KRT10: variants seen among roughly 807,000 people sequenced by gnomAD.
KRT10 encodes the protein keratin, type I cytoskeletal 10.
In KRT10, 40 loss-of-function variants were observed where a neutral mutation model predicts 59.2. The observed-to-expected ratio is 0.68, with a 90% CI of 0.52 to 0.88. The LOEUF (loss-of-function observed/expected upper bound fraction) is 0.88. Among genes scored for constraint, KRT10 ranks in the 40% least tolerant of loss-of-function variants. KRT10 has a pLI of 0.00. For synonymous variants in KRT10, 336 were observed against 310.7 expected (o/e 1.08, Z -0.86); for missense variants, 719 against 749.1 (o/e 0.96, Z 0.47).
At chr17:40,820,233 G>A (rs1905290457) in intron 4 of KRT10, 29 bp downstream of exon 4, 3 of 1,614,038 alleles carry the variant, frequency 1.9e-6, no homozygotes, top group Admixed American at 1.7e-5. Flanking sequence ...AAACCTCCAT[G>A]AGTTTCACTA....
rs1021410860 is a variant in KRT10 at position 40,819,736 on chromosome 17, T to G, written c.1156-2A>C. ...CAAGGAGGCTTCCAGGGATTGTTTCTGAAACGGATTTTTTTGTGGCTTAGT... is the reference window on the plus strand; with the variant it reads ...CAAGGAGGCTTCCAGGGATTGTTTCGGAAACGGATTTTTTTGTGGCTTAGT... On this transcript the variant is annotated splice_acceptor_variant, in intron 5 of 7. Coordinates refer to ENST00000269576, the MANE Select transcript of KRT10 (RefSeq NM_000421.5). LOFTEE classifies it high-confidence loss of function. The G allele has an allele frequency of 6.2e-7, 1 of 1,613,992 alleles. No homozygotes were observed. Among genetic ancestry groups the G allele is most frequent in the East Asian group, 2.2e-5 (1 of 44,892 alleles).
At chr17:40,818,668 C>T (rs1905159323) in intron 7 of KRT10, 119 bp downstream of exon 7, 2 of 1,512,660 alleles carry the variant, frequency 1.3e-6, no homozygotes. Context: ...TGAACAAATG[C>T]AAACGGAACC....
rs777365322 is a variant in KRT10, at chr17:40,819,087, G to T, written c.1448C>A (p.Ser483Tyr). 5.1e-5 allele frequency: 72 copies of T among 1,407,664 alleles called. No individual in the cohort carries two copies. In the African/African-American group the frequency reaches 1.1e-3, roughly 22 times the overall value. The allele number at this position is 1,407,664 out of a possible 1,614,324, so 87.2% of individuals were successfully genotyped here. Residue 483 changes from serine (S) to tyrosine (Y), a missense_variant, in exon 7 of 8, where the codon TCC becomes TAC. Physicochemically the swap from Ser to Tyr is moderately radical, Grantham distance 144. Coordinates refer to ENST00000269576, the MANE Select transcript of KRT10 (RefSeq NM_000421.5). Reference protein sequence around the residue: ...YGGGSSGGGSSGGGHGGGHGG... With the variant: ...YGGGSSGGGSYGGGHGGGHGG... ...GTGGCCGCCGCCGTGGCCGCCGCCG[G>T]AGCTTCCGCCGCCGGAGCTTCCGCC... is the stretch of plus-strand genomic sequence containing the variant.
At chr17:40,820,748 TA>T in intron 2 of KRT10, 81 bp from the exon 3 acceptor site, 1 of 1,411,640 alleles carries the variant, frequency 7.1e-7, no homozygotes, top group Non-Finnish European at 1.0e-6. Context: ...AAAAAGCAGC[TA>T]CATAGTTGAT....
In KRT10 at chr17:40,822,269, C is replaced by G; in HGVS notation, c.317G>C (p.Ser106Thr). Residue 106 changes from serine (S) to threonine (T), a missense_variant, in exon 1 of 8, where the codon AGT (serine) becomes ACT (threonine). Transcript: ENST00000269576. ...CCCACCAAAGCTGCCACCTCCGAAA[C>G]TGCCCCCTCCAAAGATGCCTCCATA... ...GSYGGIFGGG[S>T]FGGGSFGGGS... is the part of the protein sequence containing the mutation. 2 of 1,602,934 alleles carry G rather than the reference C, an allele frequency of 1.2e-6. No homozygotes were observed. Among genetic ancestry groups the G allele is most frequent in the South Asian group, 1.1e-5 (1 of 90,518 alleles).
chr17:40,821,697 G>A (rs1905394645), intron 1 of KRT10, among the ~76,000 whole-genome samples: 1 of 151,432 alleles, frequency 6.6e-6, no homozygotes, highest in East Asian at 1.9e-4. Flanking sequence ...TTTTAACTGT[G>A]GACTCATTGT....
At chr17:40,820,794 T>A in intron 2 of KRT10, 127 bp from the exon 3 acceptor site, 1 of 1,132,806 alleles carries the variant, frequency 8.8e-7, no homozygotes, top group Non-Finnish European at 1.3e-6. Context: ...TGTACAGTTC[T>A]CTTAGAAGTA....
chr17:40,818,450 TA>T lies in KRT10; in HGVS notation c.*25del. 6.2e-7 allele frequency: 1 copy of T among 1,613,434 alleles called. No individual in the cohort carries two copies. The highest frequency in any genetic ancestry group is 1.1e-5 in the South Asian group (1 of 91,012). On this transcript the variant is annotated 3_prime_UTR_variant, in exon 8 of 8. Coordinates refer to ENST00000269576, the MANE Select transcript of KRT10 (RefSeq NM_000421.5). The stretch of plus-strand genomic sequence containing the variant: ...CTACCGTCGGGCGCCACCTCTTCAA[TA>T]ATTGTCTTGATTACTCTGGTTTTGT...
At chr17:40,819,375 G>T in intron 6 of KRT10, 142 bp downstream of exon 6, 1 of 1,254,742 alleles carries the variant, frequency 8.0e-7, no homozygotes, top group Non-Finnish European at 1.1e-6. Flanking sequence ...GTGAGATTGC[G>T]GTTGCGTACT....
Position 40,819,653 on chromosome 17 carries a change from C to T in KRT10, c.1237G>A (p.Ala413Thr). ...ATCTGTTGCAACTGTTCTTCCAGAG[C>T]GGATATCTGGGCCTGAATCTGTGAG... Reference protein sequence around the residue: ...QLSQIQAQISALEEQLQQIRA... With the variant: ...QLSQIQAQISTLEEQLQQIRA... The change falls in exon 6 of 8, where the codon GCT becomes ACT. Residue 413 changes from alanine to threonine, a missense_variant. Physicochemically the swap from Ala to Thr is moderately conservative, Grantham distance 58. This residue lies in a region of KRT10 where 315 missense variants were observed against 270.6 expected (regional missense o/e 1.16). Coordinates refer to ENST00000269576, the MANE Select transcript of KRT10 (RefSeq NM_000421.5). 8 of 1,614,118 alleles carry T rather than the reference C, an allele frequency of 5.0e-6. No homozygotes were observed. Among genetic ancestry groups the T allele is most frequent in the Non-Finnish European group, 2.5e-6 (3 of 1,180,006 alleles).
rs1385184183 is a variant in KRT10 at position 40,819,750 on chromosome 17, T to C, written c.1156-16A>G. On this transcript the variant is annotated splice_polypyrimidine_tract_variant and intron_variant, in intron 5 of 7. Transcript: ENST00000269576. Reference sequence around the variant, plus strand: ...GGGATTGTTTCTGAAACGGATTTTTTTGTGGCTTAGTGACTTCCTTGTTCA... The same window carrying C: ...GGGATTGTTTCTGAAACGGATTTTTCTGTGGCTTAGTGACTTCCTTGTTCA... The C allele has an allele frequency of 6.2e-7, 1 of 1,610,384 alleles. No individual in the cohort carries two copies. Among genetic ancestry groups the C allele is most frequent in the East Asian group, 2.2e-5 (1 of 44,874 alleles).
chr17:40,822,365 T>G lies in KRT10; in HGVS notation c.221A>C (p.Tyr74Ser). The change falls in exon 1 of 8, where the codon TAT (tyrosine) becomes TCT (serine). Residue 74 changes from tyrosine to serine, a missense_variant. Transcript: ENST00000269576. Reference protein sequence around the residue: ...GGCFGGSSGGYGGLGGFGGGS... With the variant: ...GGCFGGSSGGSGGLGGFGGGS... ...TCCACCAAAACCTCCTAATCCTCCA[T>G]AGCCACCTGATGAGCCCCCAAAGCA... 1 of 1,606,462 alleles carries G rather than the reference T, an allele frequency of 6.2e-7. No individual in the cohort carries two copies. Among genetic ancestry groups the G allele is most frequent in the Non-Finnish European group, 8.5e-7 (1 of 1,175,842 alleles).
chr17:40,820,576 C>T lies in KRT10; in HGVS notation c.802G>A (p.Asp268Asn), dbSNP rs781635464. ...AGGCTCTCAATTTGCATCTCCAGGT[C>T]AGCCTTGGTCAGGGTCAGCTCATCC... ...VLDELTLTKA[D>N]LEMQIESLTE... is the part of the protein sequence containing the mutation. Residue 268 changes from aspartate to asparagine, a missense_variant, in exon 3 of 8, where the codon GAC (aspartate) becomes AAC (asparagine). Coordinates refer to ENST00000269576, the MANE Select transcript of KRT10 (RefSeq NM_000421.5). 1.2e-6 allele frequency: 2 copies of T among 1,614,118 alleles called. No homozygotes were observed. The highest frequency in any genetic ancestry group is 1.7e-6 in the Non-Finnish European group (2 of 1,180,052).
rs544494252 is a variant in KRT10 at position 40,819,744 on chromosome 17, A to G, written c.1156-10T>C. 1.2e-6 allele frequency: 2 copies of G among 1,612,836 alleles called. No individual in the cohort carries two copies. Among genetic ancestry groups the G allele is most frequent in the South Asian group, 1.1e-5 (1 of 91,046 alleles). The stretch of plus-strand genomic sequence containing the variant: ...CTTCCAGGGATTGTTTCTGAAACGG[A>G]TTTTTTTGTGGCTTAGTGACTTCCT... On this transcript the variant is annotated splice_polypyrimidine_tract_variant and intron_variant, in intron 5 of 7. Coordinates refer to ENST00000269576, the MANE Select transcript of KRT10 (RefSeq NM_000421.5).
In KRT10 at chr17:40,820,177, A is replaced by G. The variant is rs1055725785; in HGVS notation, c.1030-3T>C. On this transcript the variant is annotated splice_region_variant and splice_polypyrimidine_tract_variant and intron_variant, in intron 4 of 7. Transcript: ENST00000269576. ...ATTTCTGTAGTCAGTTCCTTGCTCT[A>G]GAGTATTAAAAACAAGGAAAAGGGT... is the stretch of plus-strand genomic sequence containing the variant. 6.2e-7 allele frequency: 1 copy of G among 1,614,038 alleles called. No homozygotes were observed. Among genetic ancestry groups the G allele is most frequent in the African/African-American group, 1.3e-5 (1 of 75,044 alleles).
chr17:40,818,677 C>A, intron 7 of KRT10, 110 bp downstream of exon 7: 5 of 1,537,068 alleles, frequency 3.3e-6, no homozygotes, highest in Non-Finnish European at 4.4e-6. Context: ...GCAAACGGAA[C>A]CGTCTCTAAG....
chr17:40,818,757 T>C (rs1451618625), intron 7 of KRT10, 30 bp downstream of exon 7: 1 of 1,567,604 alleles, frequency 6.4e-7, no homozygotes, highest in Admixed American at 1.7e-5. Context: ...TTAAAACTAA[T>C]TCTGATTACC....
At chr17:40,819,195 A>T (rs751126642) in intron 6 of KRT10, 34 bp from the exon 7 acceptor site, 1 of 1,594,874 alleles carries the variant, frequency 6.3e-7, no homozygotes, top group South Asian at 1.1e-5. Context: ...GGTTATCTCT[A>T]ACGTTGGAAA....
intron 6 of KRT10, 41 bp downstream of exon 6, chr17:40,819,476 G>A (rs749208101): frequency 2.6e-5 from 40 of 1,555,520 alleles, no homozygotes; most frequent in Non-Finnish European, 3.4e-5. Flanking sequence ...CTGGAATATT[G>A]AATAAAAGAA....
Sources: gnomAD v4.1 joint callset for allele counts (sites outside exome capture counted in the v4.1 genomes callset) on GRCh38, gnomAD v4.1.1 for gene constraint, gnomAD v4.1.1 regional missense constraint, MANE v1.5 for transcripts, NCBI Gene and HGNC (gene_info 2026-07-23, HGNC 2026-07-21) for gene names.